EPHA4: variants seen among roughly 807,000 people sequenced by gnomAD.
The protein encoded by EPHA4 is EPH receptor A4.
A neutral mutation model predicts 108.3 loss-of-function variants in EPHA4; 19 were observed. The observed-to-expected ratio is 0.18, with a 90% CI of 0.12 to 0.26. The LOEUF (loss-of-function observed/expected upper bound fraction) is 0.26, where lower values mean the gene tolerates loss of function less well. Among genes scored for constraint, EPHA4 ranks in the 10% least tolerant of loss-of-function variants. The pLI, the probability that EPHA4 is intolerant of heterozygous loss-of-function variation, is 1.00. For synonymous variants in EPHA4, 449 were observed against 455.5 expected (o/e 0.99, Z 0.18); for missense variants, 917 against 1,254.0 (o/e 0.73, Z 4.06).
intron 3 of EPHA4, among the ~76,000 whole-genome samples, chr2:221,504,720 T>C (rs1235432568): frequency 6.6e-6 from 1 of 152,194 alleles, no homozygotes; most frequent in Non-Finnish European, 1.5e-5. Context: ...ATTCATTGTT[T>C]ATATGCTCAT....
chr2:221,429,964 C>A lies in EPHA4; in HGVS notation c.2684G>T (p.Ser895Ile), dbSNP rs767587519. Residue 895 changes from serine (S) to isoleucine (I), a missense_variant, in exon 15 of 18, where the codon AGC becomes ATC. Coordinates refer to ENST00000281821, the MANE Select transcript of EPHA4 (RefSeq NM_004438.5). ...TTAAGTAAGCATGGCTGACCTGGAG[C>A]TCTCCGTCCCTGTCCTCTTCAAGCT... is the stretch of plus-strand genomic sequence containing the variant. ...PNSLKRTGTE[S>I]SRPNTALLDP... The A allele has an allele frequency of 6.2e-7, 1 of 1,613,812 alleles. No individual in the cohort carries two copies. The highest frequency in any genetic ancestry group is 1.7e-5 in the Admixed American group (1 of 59,998).
rs182497515 is a variant in EPHA4, at chr2:221,437,709, C to T, written c.2075-587G>A. ...GTCGGATTGCCTCAGGTCAGGAGTT[C>T]GAGACAAGCCTGGCCAACATGGTGA... On this transcript the variant is annotated intron_variant, in intron 11 of 17. Coordinates refer to ENST00000281821, the MANE Select transcript of EPHA4 (RefSeq NM_004438.5). Among the ~76,000 whole-genome samples, 833 of 149,356 alleles carry T rather than the reference C, an allele frequency of 5.6e-3. 12 individuals are homozygous for T. The highest frequency in any genetic ancestry group is 0.019 in the African/African-American group (777 of 40,322).
At chr2:221,456,131 C>T (rs917403907) in intron 7 of EPHA4, among the ~76,000 whole-genome samples, 4 of 150,624 alleles carry the variant, frequency 2.7e-5, no homozygotes, top group African/African-American at 9.8e-5. Flanking sequence ...CAATCCAACT[C>T]GCAATGCTTA....
chr2:221,543,723 T>C (rs1693903446), intron 3 of EPHA4, among the ~76,000 whole-genome samples: 1 of 152,210 alleles, frequency 6.6e-6, no homozygotes, highest in Non-Finnish European at 1.5e-5. Flanking sequence ...AGATGATTGA[T>C]AGATATAATA....
chr2:221,420,988 A>G (rs1296414066), intron 17 of EPHA4, among the ~76,000 whole-genome samples: 1 of 152,208 alleles, frequency 6.6e-6, no homozygotes, highest in Admixed American at 6.5e-5. Flanking sequence ...CCCATAGTCA[A>G]CAATAATGAT....
chr2:221,449,601 G>T (rs372471107), intron 8 of EPHA4, among the ~76,000 whole-genome samples: 7 of 152,274 alleles, frequency 4.6e-5, no homozygotes, highest in African/African-American at 1.7e-4. Context: ...CAGTCCAAGG[G>T]ACATGGTAAT....
At chr2:221,454,220 T>C (rs559536121) in intron 8 of EPHA4, among the ~76,000 whole-genome samples, 1 of 151,790 alleles carries the variant, frequency 6.6e-6, no homozygotes, top group South Asian at 2.1e-4. Context: ...ATGTACCAAC[T>C]GGGACCATCC....
intron 4 of EPHA4, among the ~76,000 whole-genome samples, chr2:221,488,922 T>G (rs553204844): frequency 6.6e-6 from 1 of 152,344 alleles, no homozygotes; most frequent in South Asian, 2.1e-4. Flanking sequence ...TAGACTAAAA[T>G]TTAATTCTTG....
At position 221,484,662 on chromosome 2, in the gene EPHA4, C is replaced by T. The variant is rs186894231; in HGVS notation, c.980-1972G>A. Among the ~76,000 whole-genome samples, 75 of 152,134 alleles carry T rather than the reference C, an allele frequency of 4.9e-4. 1 individual carries two copies. The highest frequency in any genetic ancestry group is 1.6e-3 in the African/African-American group (65 of 41,504). On this transcript the variant is annotated intron_variant, in intron 4 of 17. Coordinates refer to ENST00000281821, the MANE Select transcript of EPHA4 (RefSeq NM_004438.5). ...GAATAAATGAAGTACATAAAATCAC[C>T]GACTCTAAGAGCTACATAGGATGTT...
At chr2:221,485,350 A>G (rs1691946459) in intron 4 of EPHA4, among the ~76,000 whole-genome samples, 1 of 152,178 alleles carries the variant, frequency 6.6e-6, no homozygotes. Flanking sequence ...GTGCTAAGCT[A>G]GGGCAGCCTT....
chr2:221,439,758 T>C (rs1279456255), intron 11 of EPHA4, among the ~76,000 whole-genome samples: 12 of 152,188 alleles, frequency 7.9e-5, no homozygotes, highest in African/African-American at 2.7e-4. Context: ...CAGCCTCTCA[T>C]GGCTGTGCAT....
intron 8 of EPHA4, among the ~76,000 whole-genome samples, chr2:221,455,248 G>A (rs1204221470): frequency 2.0e-5 from 3 of 152,188 alleles, no homozygotes; most frequent in Non-Finnish European, 4.4e-5. Context: ...CCAGGCTTAA[G>A]AGAGGGATAA....
At chr2:221,473,513 G>A (rs1691555904) in intron 5 of EPHA4, among the ~76,000 whole-genome samples, 1 of 133,122 alleles carries the variant, frequency 7.5e-6, no homozygotes, top group Non-Finnish European at 1.5e-5. Context: ...TGCAAGATAA[G>A]TCCTGTGCAT....
chr2:221,473,342 T>C (rs3770153), intron 5 of EPHA4, among the ~76,000 whole-genome samples: 73,222 of 151,784 alleles, frequency 0.48, 18,532 homozygotes, highest in Non-Finnish European at 0.56. Context: ...AAAAACATCC[T>C]CACCAGTCTT....
intron 11 of EPHA4, among the ~76,000 whole-genome samples, chr2:221,442,593 A>T (rs920081894): frequency 6.6e-6 from 1 of 152,194 alleles, no homozygotes; most frequent in African/African-American, 2.4e-5. Flanking sequence ...CATACCACAA[A>T]TCTGCAATAT....
intron 3 of EPHA4, among the ~76,000 whole-genome samples, chr2:221,519,315 A>G (rs1693090799): frequency 6.6e-6 from 1 of 152,174 alleles, no homozygotes; most frequent in Admixed American, 6.5e-5. Context: ...AGCAAGTCCA[A>G]GTTTTCTCGT....
Position 221,571,101 on chromosome 2 carries a change from C to T in EPHA4, c.91+1057G>A, listed in dbSNP as rs1365320927. On this transcript the variant is annotated intron_variant, in intron 1 of 17. Transcript: ENST00000281821. The surrounding 1 kb of genome is among the most constrained non-coding windows in gnomAD (Gnocchi z 6.3). ...ACATACAATCCTCCGCGTCCGCTTC[C>T]ACGCAGGCATTCGCGCACCTACATA... is the stretch of plus-strand genomic sequence containing the variant. 1.3e-5 allele frequency among the ~76,000 whole-genome samples: 2 copies of T among 152,122 alleles called. No homozygotes were observed. The highest frequency in any genetic ancestry group is 1.3e-4 in the Admixed American group (2 of 15,280).
chr2:221,562,679 G>A (rs1014379913), intron 3 of EPHA4, among the ~76,000 whole-genome samples: 4 of 152,124 alleles, frequency 2.6e-5, no homozygotes, highest in African/African-American at 9.7e-5. Flanking sequence ...ATTGGCAGCC[G>A]CAGACTGTTG....
In EPHA4 at chr2:221,564,258, A is replaced by G. The variant is rs1307751766; in HGVS notation, c.296T>C (p.Ile99Thr). 2 of 1,614,000 alleles carry G rather than the reference A, an allele frequency of 1.2e-6. No homozygotes were observed. Among genetic ancestry groups the G allele is most frequent in the African/African-American group, 1.3e-5 (1 of 74,890 alleles). ...GTCCCTCAAGGTGAATTTAATCTCA[A>G]TATACACCCTCTGAGCCCCTTCTCG... ...ITREGAQRVY[I>T]EIKFTLRDCN... The change falls in exon 3 of 18, where the codon ATT (isoleucine) becomes ACT (threonine). Residue 99 changes from isoleucine to threonine, a missense_variant. Around this residue, in one of 3 missense-constraint regions of EPHA4, gnomAD observed 758 missense variants for 1,076.7 expected, o/e 0.70. Transcript: ENST00000281821.
Sources: gnomAD v4.1 joint callset for allele counts (sites outside exome capture counted in the v4.1 genomes callset) on GRCh38, gnomAD v4.1.1 for gene constraint, gnomAD v4.1.1 regional missense constraint, Gnocchi (gnomAD v3.1) non-coding constraint, MANE v1.5 for transcripts, NCBI Gene and HGNC (gene_info 2026-07-23, HGNC 2026-07-21) for gene names.